Variants in LPCAT3 observed in about 807,000 individuals in gnomAD.
LPCAT3 encodes lysophospholipid acyltransferase 5.
In LPCAT3, 21 loss-of-function variants were observed where a neutral mutation model predicts 63.4. The ratio of observed to expected loss-of-function variants is 0.33; its 90% CI spans 0.23 to 0.48. The LOEUF is 0.48. LPCAT3 is among the 20% of genes least tolerant of loss of function. The pLI is 0.99. For synonymous variants in LPCAT3, 242 were observed against 227.5 expected (o/e 1.06, Z -0.58); for missense variants, 451 against 590.6 (o/e 0.76, Z 2.45).
intron 1 of LPCAT3, among the ~76,000 whole-genome samples, chr12:7,002,699 A>G (rs1343584981): frequency 2.0e-5 from 3 of 152,238 alleles, no homozygotes; most frequent in African/African-American, 7.2e-5. Context: ...AAAAGAAAAT[A>G]CAAGTTTGAA....
chr12:6,996,919 A>C (rs1003209158), intron 1 of LPCAT3, among the ~76,000 whole-genome samples: 1 of 152,200 alleles, frequency 6.6e-6, no homozygotes. Context: ...ATTCACTCCA[A>C]GAGACTGGGC....
intron 1 of LPCAT3, among the ~76,000 whole-genome samples, chr12:6,991,842 C>CT (rs1946592770): frequency 6.6e-6 from 1 of 152,220 alleles, no homozygotes; most frequent in South Asian, 2.1e-4. Context: ...CCACCGTACT[C>CT]TACCAGTGTG....
intron 1 of LPCAT3, among the ~76,000 whole-genome samples, chr12:6,992,280 C>G (rs1946596459): frequency 6.6e-6 from 1 of 151,718 alleles, no homozygotes; most frequent in African/African-American, 2.4e-5. Context: ...CGGCAGTGAG[C>G]TGTGATGCCC....
chr12:7,018,255 G>A lies in LPCAT3; in HGVS notation c.151+19C>T, dbSNP rs1417196493. 5.0e-6 allele frequency: 8 copies of A among 1,585,972 alleles called. No individual in the cohort carries two copies. The highest frequency in any genetic ancestry group is 6.9e-6 in the Non-Finnish European group (8 of 1,166,316). On this transcript the variant is annotated intron_variant, in intron 1 of 12. Transcript: ENST00000261407. The surrounding 1 kb of genome is among the most constrained non-coding windows in gnomAD (Gnocchi z 4.9). ...CCGGGGACTCCGCGAGGGGCGGAGG[G>A]AGGCAGGAGGGTCCTTACCCAGGAA... is the stretch of plus-strand genomic sequence containing the variant.
At position 7,018,314 on chromosome 12, in the gene LPCAT3, C is replaced by T; in HGVS notation, c.111G>A (p.Ala37=). The T allele has an allele frequency of 6.2e-7, 1 of 1,608,824 alleles. No individual in the cohort carries two copies. Among genetic ancestry groups the T allele is most frequent in the South Asian group, 1.1e-5 (1 of 89,984 alleles). Residue 37 remains alanine (A), a synonymous_variant, in exon 1 of 13, where the codon GCG becomes GCA. Transcript: ENST00000261407. The surrounding 1 kb of genome is among the most constrained non-coding windows in gnomAD (Gnocchi z 4.9). The part of the protein sequence containing the change: ...SLNKLATSLG[A]SEQALRLIIS... ...TGATCAGCCGCAGCGCCTGTTCTGA[C>T]GCGCCCAGGGACGTCGCCAACTTGT...
At chr12:6,988,201 C>T (rs1401769891) in intron 1 of LPCAT3, 1 of 172,004 alleles carries the variant, frequency 5.8e-6, no homozygotes, top group East Asian at 1.5e-4. Flanking sequence ...TGTTGAGTTC[C>T]AAACAGGTGA....
intron 1 of LPCAT3, among the ~76,000 whole-genome samples, chr12:6,983,843 TA>T (rs1208128295): frequency 6.6e-6 from 1 of 152,212 alleles, no homozygotes; most frequent in Non-Finnish European, 1.5e-5. Flanking sequence ...ACTTGAATTT[TA>T]AAAAATGATA....
At chr12:6,984,227 T>A (rs782052116) in intron 1 of LPCAT3, among the ~76,000 whole-genome samples, 3 of 152,346 alleles carry the variant, frequency 2.0e-5, no homozygotes, top group East Asian at 1.9e-4. Flanking sequence ...ACTAAAAAAA[T>A]GTCTTCTAAA....
In LPCAT3 at chr12:6,977,788, C is replaced by T; in HGVS notation, c.1041-43G>A. On this transcript the variant is annotated intron_variant, in intron 9 of 12. Coordinates refer to ENST00000261407, the MANE Select transcript of LPCAT3 (RefSeq NM_005768.6). The surrounding 1 kb of genome is among the most constrained non-coding windows in gnomAD (Gnocchi z 4.5). ...TGGGGCGACCCTCAAACTGACTGGT[C>T]CTTGCATCCCGCCACCTGCCTCTGG... The T allele has an allele frequency of 6.2e-7, 1 of 1,610,646 alleles. No individual in the cohort carries two copies. The highest frequency in any genetic ancestry group is 2.2e-5 in the East Asian group (1 of 44,860).
At chr12:6,979,215 G>A (rs1946443738) in intron 7 of LPCAT3, 5 of 527,742 alleles carry the variant, frequency 9.5e-6, no homozygotes, top group Middle Eastern at 5.0e-4. Context: ...GATAAGGCAA[G>A]CTAGGAGCGG....
At chr12:7,000,454 G>A (rs1946675311) in intron 1 of LPCAT3, among the ~76,000 whole-genome samples, 1 of 149,826 alleles carries the variant, frequency 6.7e-6, no homozygotes, top group African/African-American at 2.5e-5. Context: ...GGGGCGTGGT[G>A]GCGGATGCCT....
At chr12:6,998,961 CATTCTACT>C (rs1946661131) in intron 1 of LPCAT3, among the ~76,000 whole-genome samples, 1 of 152,224 alleles carries the variant, frequency 6.6e-6, no homozygotes. Context: ...ACCTGATTTC[CATTCTACT>C]ATTCTTGCCA....
At chr12:6,979,761 G>A (rs1946450311) in intron 6 of LPCAT3, 182 bp from the exon 7 acceptor site, 2 of 606,444 alleles carry the variant, frequency 3.3e-6, no homozygotes, top group Non-Finnish European at 5.9e-6. Flanking sequence ...TGGCTATGAG[G>A]AATGGGGACT....
At chr12:7,016,806 A>C (rs1306935154) in intron 1 of LPCAT3, among the ~76,000 whole-genome samples, 5 of 152,224 alleles carry the variant, frequency 3.3e-5, no homozygotes, top group African/African-American at 1.2e-4. Context: ...GGTGCTGATA[A>C]ATTTGGATGA....
chr12:6,980,021 CTT>C (rs34110645), intron 6 of LPCAT3: 57 of 122,764 alleles, frequency 4.6e-4, no homozygotes, highest in Admixed American at 6.5e-4. Context: ...GGCAATTAAA[CTT>C]TTTTTTTTTT....
Position 6,976,254 on chromosome 12 carries a change from G to A in LPCAT3, c.*650C>T, listed in dbSNP as rs1946398398. 6.4e-6 allele frequency: 1 copy of A among 155,530 alleles called. No homozygotes were observed. Among genetic ancestry groups the A allele is most frequent in the Non-Finnish European group, 1.4e-5 (1 of 70,262 alleles). The allele number at this position is 155,530 out of a possible 1,614,324, so 9.6% of individuals were successfully genotyped here. A position where few individuals can be genotyped will look rare whatever the true frequency, so the allele number is the denominator to read the frequency against. On this transcript the variant is annotated 3_prime_UTR_variant, in exon 13 of 13. Coordinates refer to ENST00000261407, the MANE Select transcript of LPCAT3 (RefSeq NM_005768.6). ...AAGGTAGAAAAAGTGGAGCAGGCAG[G>A]GCCTTGCACCCCTCTCCACCCCCCC...
chr12:6,991,899 A>T (rs1360808901), intron 1 of LPCAT3, among the ~76,000 whole-genome samples: 1 of 152,130 alleles, frequency 6.6e-6, no homozygotes, highest in Non-Finnish European at 1.5e-5. Flanking sequence ...AAACAAGTTT[A>T]AAAAGATGTA....
At chr12:6,988,892 C>T (rs1408147957) in intron 1 of LPCAT3, among the ~76,000 whole-genome samples, 4 of 151,986 alleles carry the variant, frequency 2.6e-5, no homozygotes, top group South Asian at 2.1e-4. Flanking sequence ...TTTGGGAGGC[C>T]GAGGCAGGCG....
At position 6,996,466 on chromosome 12, in the gene LPCAT3, T is replaced by A. The variant is rs900675494; in HGVS notation, c.152-12927A>T. Reference sequence around the variant, plus strand: ...TTATTACCTTTTGACATACCATATATCTTACTTTTCAGTCTTTCAAAGCAG... The same window carrying A: ...TTATTACCTTTTGACATACCATATAACTTACTTTTCAGTCTTTCAAAGCAG... On this transcript the variant is annotated intron_variant, in intron 1 of 12. Coordinates refer to ENST00000261407, the MANE Select transcript of LPCAT3 (RefSeq NM_005768.6). Among the ~76,000 whole-genome samples the A allele has an allele frequency of 3.3e-5, 5 of 152,204 alleles. No homozygotes were observed. The South Asian group carries it at 1.0e-3, about 31-fold the overall frequency.
Sources: gnomAD v4.1 joint callset for allele counts (sites outside exome capture counted in the v4.1 genomes callset) on GRCh38, gnomAD v4.1.1 for gene constraint, Gnocchi (gnomAD v3.1) non-coding constraint, MANE v1.5 for transcripts, NCBI Gene and HGNC (gene_info 2026-07-23, HGNC 2026-07-21) for gene names.